The following CCDC9 variants were observed in gnomAD, a reference collection of about 807,000 sequenced individuals.
The protein encoded by CCDC9 is coiled-coil domain-containing protein 9.
Under a neutral mutation model 65.6 loss-of-function variants are expected in CCDC9, and 52 were observed. That is an observed-to-expected ratio of 0.79 (90% CI 0.63 to 1.00). CCDC9 has a LOEUF of 1.00. Ranked by LOEUF, CCDC9 falls within the 50% of genes least tolerant of loss-of-function variation. The pLI, the probability that CCDC9 is intolerant of heterozygous loss-of-function variation, is 0.00. For synonymous variants in CCDC9, 332 were observed against 280.3 expected (o/e 1.18, Z -1.84); for missense variants, 834 against 757.2 (o/e 1.10, Z -1.19).
chr19:47,273,495 A>T (rs978959542), downstream of CCDC9: 1 of 662,552 alleles, frequency 1.5e-6, no homozygotes, highest in East Asian at 3.4e-5. Flanking sequence ...CGCGCTCTGC[A>T]CTAACCTCCC....
intron 5 of CCDC9, 64 bp downstream of exon 5, chr19:47,260,903 C>G: frequency 5.1e-6 from 8 of 1,555,800 alleles, no homozygotes; most frequent in Non-Finnish European, 6.1e-6. Context: ...CTGTTTTTTC[C>G]TCCTCTCAGA....
At position 47,271,868 on chromosome 19, in the gene CCDC9, G is replaced by A; in HGVS notation, c.*190G>A. ...AGCGCAGCCCATGCTCTTCTGTACT[G>A]TCATGCCCGTCTCTGGAATGTCCAC... On this transcript the variant is annotated 3_prime_UTR_variant, in exon 12 of 12. Transcript: ENST00000221922. 7.3e-7 allele frequency: 1 copy of A among 1,366,782 alleles called. No individual in the cohort carries two copies. 84.7% of individuals were successfully genotyped at this position (1,366,782 alleles called of 1,614,324 possible).
In CCDC9 at chr19:47,264,893, T is replaced by TG. The variant is rs760344736; in HGVS notation, c.674dup (p.Asp227ArgfsTer10). ...GGAGAGCCGCCGGCACGGCCGCAAC[T>TG]GGGGGGGCCCCGACTTCGAGCGGGT... On this transcript the variant is annotated frameshift_variant, in exon 7 of 12. Transcript: ENST00000221922. LOFTEE classifies it high-confidence loss of function. 1.6e-5 allele frequency: 23 copies of TG among 1,472,196 alleles called. No individual in the cohort carries two copies. Among genetic ancestry groups the TG allele is most frequent in the Non-Finnish European group, 1.8e-6 (2 of 1,114,030 alleles). The allele number at this position is 1,472,196 out of a possible 1,614,324, so 91.2% of individuals were successfully genotyped here.
Position 47,258,667 on chromosome 19 carries a change from C to T in CCDC9, c.108+4C>T. On this transcript the variant is annotated splice_donor_region_variant and intron_variant, in intron 3 of 11. Transcript: ENST00000221922. ...GGCCCTCATCCGGCGCTACCAGGTG[C>T]CCTAGCCCCGCCCTGGGAGACCCCA... is the stretch of plus-strand genomic sequence containing the variant. 1 of 1,610,624 alleles carries T rather than the reference C, an allele frequency of 6.2e-7. No homozygotes were observed. Among genetic ancestry groups the T allele is most frequent in the African/African-American group, 1.3e-5 (1 of 74,968 alleles).
chr19:47,266,449 G>A, intron 7 of CCDC9, 162 bp from the exon 8 acceptor site: 3 of 1,091,028 alleles, frequency 2.7e-6, no homozygotes, highest in Admixed American at 3.2e-5. Flanking sequence ...TAGGAGATCT[G>A]AGAGGGCCTC....
Position 47,271,456 on chromosome 19 carries a change from C to G in CCDC9, c.1374C>G (p.Thr458=), listed in dbSNP as rs140335499. 5.6e-6 allele frequency: 9 copies of G among 1,613,638 alleles called. No homozygotes were observed. The highest frequency in any genetic ancestry group is 2.7e-5 in the African/African-American group (2 of 74,876). ...QDHQAPEAAP[T]GIPCSEQAHG... is the part of the protein sequence containing the mutation. ...ACCAAGCCCCAGAGGCTGCCCCCACCGGGATCCCCTGCAGTGAGCAGGCCC... is the reference window on the plus strand; with the variant it reads ...ACCAAGCCCCAGAGGCTGCCCCCACGGGGATCCCCTGCAGTGAGCAGGCCC... The change falls in exon 12 of 12, where the codon ACC becomes ACG. Residue 458 remains threonine, a synonymous_variant. Coordinates refer to ENST00000221922, the MANE Select transcript of CCDC9 (RefSeq NM_015603.3).
At chr19:47,275,314 C>T, downstream of CCDC9, 1 of 1,546,250 alleles carries the variant, frequency 6.5e-7, no homozygotes, top group South Asian at 1.2e-5. Context: ...CCCAGAGAGA[C>T]GCCAGAGGCC....
rs539946123 is a variant in CCDC9 at position 47,264,662 on chromosome 19, C to T, written c.522C>T (p.Ile174=). The T allele has an allele frequency of 7.5e-6, 12 of 1,604,912 alleles. No individual in the cohort carries two copies. Among genetic ancestry groups the T allele is most frequent in the African/African-American group, 4.0e-5 (3 of 74,790 alleles). Residue 174 remains isoleucine, a synonymous_variant, in exon 6 of 12, where the codon ATC becomes ATT. Coordinates refer to ENST00000221922, the MANE Select transcript of CCDC9 (RefSeq NM_015603.3). The stretch of plus-strand genomic sequence containing the variant: ...AGATGAATGAGGAGATGGAGAAGAT[C>T]GCCGAGTATGAGCGCAACCAGCGGG... ...IEKMNEEMEK[I]AEYERNQREG...
In CCDC9 at chr19:47,271,665, T is replaced by C; in HGVS notation, c.1583T>C (p.Phe528Ser). ...GALSPGEAWP[F>S]ESV is the part of the protein sequence containing the mutation. ...CTCTCCCCGGGTGAGGCCTGGCCTT[T>C]TGAGAGTGTATGAAGCTGGCTGCCT... The change falls in exon 12 of 12, where the codon TTT becomes TCT. Residue 528 changes from phenylalanine to serine, a missense_variant. Physicochemically the swap from Phe to Ser is radical, Grantham distance 155 (BLOSUM62 -2). Transcript: ENST00000221922. 1 of 1,590,328 alleles carries C rather than the reference T, an allele frequency of 6.3e-7. No individual in the cohort carries two copies. Among genetic ancestry groups the C allele is most frequent in the South Asian group, 1.1e-5 (1 of 89,874 alleles).
chr19:47,274,203 G>C (rs2059141728), downstream of CCDC9, among the ~76,000 whole-genome samples: 1 of 152,322 alleles, frequency 6.6e-6, no homozygotes, highest in East Asian at 1.9e-4. Flanking sequence ...CTGAGGTGCT[G>C]AGGATACCTG....
chr19:47,265,795 C>T (rs2059077938), intron 7 of CCDC9, among the ~76,000 whole-genome samples: 1 of 150,120 alleles, frequency 6.7e-6, no homozygotes, highest in Non-Finnish European at 1.5e-5. Context: ...TCACACCATT[C>T]TCCTGCCTCA....
chr19:47,275,123 G>C, downstream of CCDC9: 1 of 1,491,548 alleles, frequency 6.7e-7, no homozygotes, highest in Non-Finnish European at 8.9e-7. Context: ...CCGGCCCACA[G>C]CCCAGCGCGC....
chr19:47,270,282 A>T (rs2059107031), intron 8 of CCDC9, 125 bp from the exon 9 acceptor site: 7 of 887,678 alleles, frequency 7.9e-6, no homozygotes, highest in Admixed American at 2.1e-5. Flanking sequence ...TCCTACTTCT[A>T]GTGTCCCCTG....
chr19:47,258,286 T>TG, intron 1 of CCDC9, 44 bp from the exon 2 acceptor site: 3 of 1,072,178 alleles, frequency 2.8e-6, no homozygotes, highest in Non-Finnish European at 4.3e-6. Context: ...TGAAGTAGGT[T>TG]GGGGGGCCAT....
chr19:47,256,898 G>A (rs923530973), intron 1 of CCDC9, among the ~76,000 whole-genome samples: 2 of 152,084 alleles, frequency 1.3e-5, no homozygotes, highest in Non-Finnish European at 2.9e-5. Flanking sequence ...GCTGTGTGGC[G>A]GGGCTCGGAC....
chr19:47,266,270 C>T lies in CCDC9; in HGVS notation c.721-341C>T, dbSNP rs565916669. 678 of 235,570 alleles carry T rather than the reference C, an allele frequency of 2.9e-3. 1 individual carries two copies. The highest frequency in any genetic ancestry group is 4.5e-3 in the Non-Finnish European group (542 of 121,250). 14.6% of individuals were successfully genotyped at this position (235,570 alleles called of 1,614,324 possible). A position where few individuals can be genotyped will look rare whatever the true frequency, so the allele number is the denominator to read the frequency against. On this transcript the variant is annotated intron_variant, in intron 7 of 11. Coordinates refer to ENST00000221922, the MANE Select transcript of CCDC9 (RefSeq NM_015603.3). ...TTGGCCTCCCAAAGTGCTGGGATTA[C>T]AGGCGTGAGCCACCGCGCCCGGCGG...
At position 47,264,858 on chromosome 19, in the gene CCDC9, A is replaced by T. The variant is rs569098125; in HGVS notation, c.632A>T (p.Asp211Val). ...RSGPLEESER[D>V]RREESRRHGR... ...GGGCCCCTGGAGGAGTCTGAGCGGG[A>T]CCGCCGGGAGGAGAGCCGCCGGCAC... Residue 211 changes from aspartate to valine, a missense_variant, in exon 7 of 12, where the codon GAC becomes GTC. Physicochemically the swap from Asp to Val is radical, Grantham distance 152 (BLOSUM62 -3). Coordinates refer to ENST00000221922, the MANE Select transcript of CCDC9 (RefSeq NM_015603.3). 1.7e-5 allele frequency: 26 copies of T among 1,507,104 alleles called. No homozygotes were observed. Among genetic ancestry groups the T allele is most frequent in the Middle Eastern group, 1.8e-4 (1 of 5,496 alleles). The allele number at this position is 1,507,104 out of a possible 1,614,324, so 93.4% of individuals were successfully genotyped here.
rs755929814 is a variant in CCDC9 at position 47,258,414 on chromosome 19, A to T, written c.3+11A>T. 4.3e-6 allele frequency: 7 copies of T among 1,613,974 alleles called. No individual in the cohort carries two copies. The highest frequency in any genetic ancestry group is 5.9e-6 in the Non-Finnish European group (7 of 1,179,996). On this transcript the variant is annotated intron_variant, in intron 2 of 11. Transcript: ENST00000221922. Reference sequence around the variant, plus strand: ...GCAGCCAGCGAAATGGTGAGGCTGAAAAATGGGGTCTCTAGAATCTGAGTT... The same window carrying T: ...GCAGCCAGCGAAATGGTGAGGCTGATAAATGGGGTCTCTAGAATCTGAGTT...
chr19:47,262,111 G>A (rs1484848795), intron 5 of CCDC9, among the ~76,000 whole-genome samples: 1 of 151,986 alleles, frequency 6.6e-6, no homozygotes, highest in Non-Finnish European at 1.5e-5. Context: ...AGTGGAGTAG[G>A]AGTTTATTTC....
Sources: allele counts gnomAD v4.1 joint callset (sites outside exome capture counted in the v4.1 genomes callset), GRCh38; gene constraint gnomAD v4.1.1; transcripts MANE v1.5; gene names NCBI Gene and HGNC (gene_info 2026-07-23, HGNC 2026-07-21).